MIER2: variants seen among roughly 807,000 people sequenced by gnomAD.
MIER2 encodes the protein mesoderm induction early response protein 2.
In MIER2, 30 loss-of-function variants were observed where a neutral mutation model predicts 67.6. That is an observed-to-expected ratio of 0.44 (90% confidence interval 0.33 to 0.60). The LOEUF is 0.60. MIER2 is among the 20% of genes least tolerant of loss of function. The pLI is 0.02. For synonymous variants in MIER2, 372 were observed against 312.6 expected, an observed-to-expected ratio of 1.19 and a Z score of -2.00; for missense variants, 702 against 745.1, an observed-to-expected ratio of 0.94 and a Z score of 0.67.
intron 7 of MIER2, among the ~76,000 whole-genome samples, chr19:314,434 A>T (rs1971146126): frequency 6.6e-6 from 1 of 152,236 alleles, no homozygotes; most frequent in African/African-American, 2.4e-5. Context: ...CCTCTCAATT[A>T]TCCAGGAAAG....
At chr19:317,563 T>TAAAC (rs1361780050) in intron 7 of MIER2, among the ~76,000 whole-genome samples, 2 of 145,534 alleles carry the variant, frequency 1.4e-5, no homozygotes, top group African/African-American at 5.1e-5. Flanking sequence ...AATAAATAAA[T>TAAAC]AAAATAAAAA....
At chr19:329,866 C>CAAA (rs36067469) in intron 3 of MIER2, among the ~76,000 whole-genome samples, 40 of 94,714 alleles carry the variant, frequency 4.2e-4, no homozygotes, top group African/African-American at 9.6e-4. Flanking sequence ...TACTCCGTCT[C>CAAA]AAAAAAAAAA....
intron 7 of MIER2, among the ~76,000 whole-genome samples, chr19:315,536 C>G (rs1022928109): frequency 6.6e-6 from 1 of 152,212 alleles, no homozygotes; most frequent in Non-Finnish European, 1.5e-5. Flanking sequence ...AAAAGAATCT[C>G]AAGGACCTTC....
At chr19:316,237 G>C (rs1479211959) in intron 7 of MIER2, among the ~76,000 whole-genome samples, 2 of 151,708 alleles carry the variant, frequency 1.3e-5, no homozygotes, top group Admixed American at 1.3e-4. Flanking sequence ...ATGTGGATAG[G>C]ATAAATACAA....
At chr19:328,876 T>C (rs1364962422) in intron 3 of MIER2, among the ~76,000 whole-genome samples, 1 of 152,244 alleles carries the variant, frequency 6.6e-6, no homozygotes, top group Non-Finnish European at 1.5e-5. Flanking sequence ...ACAAGAGCAC[T>C]GTGATTAACG....
At position 317,285 on chromosome 19, in the gene MIER2, T is replaced by C. The variant is rs898843805; in HGVS notation, c.656-3642A>G. 2.6e-5 allele frequency among the ~76,000 whole-genome samples: 4 copies of C among 151,910 alleles called. No homozygotes were observed. The South Asian group carries it at 8.3e-4, about 32-fold the overall frequency. ...GCGGGCACCTGTAATCCCAGCACTT[T>C]GGGAGGCTGAGGCGGGCGGATCACG... On this transcript the variant is annotated intron_variant, in intron 7 of 13. Transcript: ENST00000264819.
intron 4 of MIER2, among the ~76,000 whole-genome samples, chr19:327,514 G>T (rs1406979307): frequency 6.6e-6 from 1 of 152,248 alleles, no homozygotes; most frequent in African/African-American, 2.4e-5. Context: ...CTCTTTCTCT[G>T]ACTGTGCATT....
intron 7 of MIER2, among the ~76,000 whole-genome samples, chr19:319,196 T>C (rs539077218): frequency 1.5e-4 from 22 of 149,656 alleles, no homozygotes; most frequent in African/African-American, 5.2e-4. Flanking sequence ...ACCCCATCTC[T>C]ACTAACAATA....
chr19:307,550 C>T lies in MIER2; in HGVS notation c.1199-14G>A, dbSNP rs780239474. ...CGCTCAGTGGATCTGTGAAAGAGAA[C>T]GCAACAGAGGGTGGGGCCTGCCCAC... is the stretch of plus-strand genomic sequence containing the variant. On this transcript the variant is annotated splice_polypyrimidine_tract_variant and intron_variant, in intron 12 of 13. Transcript: ENST00000264819. 7.4e-5 allele frequency: 110 copies of T among 1,494,534 alleles called. No homozygotes were observed. Among genetic ancestry groups the T allele is most frequent in the African/African-American group, 4.5e-4 (32 of 71,596 alleles). The allele number at this position is 1,494,534 out of a possible 1,614,324, so 92.6% of individuals were successfully genotyped here.
At chr19:332,144 T>G (rs1972057545) in intron 3 of MIER2, among the ~76,000 whole-genome samples, 1 of 152,144 alleles carries the variant, frequency 6.6e-6, no homozygotes, top group African/African-American at 2.4e-5. Flanking sequence ...TTCAGCCTCC[T>G]GAGTAGCTAG....
chr19:342,482 G>C (rs1046234360), intron 1 of MIER2, among the ~76,000 whole-genome samples: 1 of 151,768 alleles, frequency 6.6e-6, no homozygotes, highest in African/African-American at 2.4e-5. Flanking sequence ...GCAGATCCGT[G>C]GGGACCACCT....
chr19:324,340 G>A (rs1000054651), intron 7 of MIER2, among the ~76,000 whole-genome samples: 11 of 136,088 alleles, frequency 8.1e-5, no homozygotes, highest in Admixed American at 2.3e-4. Context: ...TGACACAGAC[G>A]TCATCACAAT....
intron 2 of MIER2, 37 bp from the exon 3 acceptor site, chr19:334,579 C>A: frequency 6.2e-7 from 1 of 1,602,680 alleles, no homozygotes; most frequent in Non-Finnish European, 8.5e-7. Flanking sequence ...AGCACCGTGC[C>A]TCGCCTGTCC....
rs1259044873 is a variant in MIER2 at position 328,002 on chromosome 19, A to T, written c.244-13T>A. ...GCATGTCGTTGCTCTGAGTTGGGGA[A>T]GGGAACAAGGCCCCATCAGGAGGGA... On this transcript the variant is annotated splice_polypyrimidine_tract_variant and intron_variant, in intron 3 of 13. Coordinates refer to ENST00000264819, the MANE Select transcript of MIER2 (RefSeq NM_017550.3). 6.2e-7 allele frequency: 1 copy of T among 1,612,756 alleles called. No individual in the cohort carries two copies. The highest frequency in any genetic ancestry group is 1.7e-5 in the Admixed American group (1 of 59,856).
Position 308,813 on chromosome 19 carries a change from G to T in MIER2, c.1097C>A (p.Pro366Gln). The T allele has an allele frequency of 6.2e-7, 1 of 1,605,760 alleles. No individual in the cohort carries two copies. The highest frequency in any genetic ancestry group is 8.5e-7 in the Non-Finnish European group (1 of 1,173,836). ...QTRLGRRKYV[P>Q]SGTTDADQDL... ...GGGCTGCACGCACGTGGTTCCGGACGGGACGTACTTCCTCCGGCCCAGCCG... is the reference window on the plus strand; with the variant it reads ...GGGCTGCACGCACGTGGTTCCGGACTGGACGTACTTCCTCCGGCCCAGCCG... The change falls in exon 11 of 14, where the codon CCG becomes CAG. Residue 366 changes from proline (P) to glutamine (Q), a missense_variant. By Grantham distance (76) the Pro-to-Gln change is moderately conservative. Around this residue, in one of 3 missense-constraint regions of MIER2, gnomAD observed 254 missense variants for 262.8 expected, o/e 0.97. Transcript: ENST00000264819. The surrounding 1 kb of genome is among the most constrained non-coding windows in gnomAD (Gnocchi z 9.1).
chr19:306,984 T>C (rs1182873089), intron 13 of MIER2, 135 bp downstream of exon 13: 3 of 1,104,160 alleles, frequency 2.7e-6, no homozygotes, highest in African/African-American at 3.2e-5. Flanking sequence ...AAAGACACAC[T>C]GAGAGCCTGC....
chr19:344,315 C>A (rs1258285864), intron 1 of MIER2: 1 of 984,804 alleles, frequency 1.0e-6, no homozygotes, highest in Non-Finnish European at 1.2e-6. Flanking sequence ...CCACCGGGAT[C>A]CCGATGGGGA....
chr19:344,182 C>T (rs1972632539), intron 1 of MIER2: 2 of 985,326 alleles, frequency 2.0e-6, no homozygotes, highest in Non-Finnish European at 2.4e-6. Context: ...CTCTAGGCCC[C>T]GGCAGACCCA....
At chr19:335,303 G>A (rs942360262) in intron 2 of MIER2, among the ~76,000 whole-genome samples, 1 of 152,218 alleles carries the variant, frequency 6.6e-6, no homozygotes, top group African/African-American at 2.4e-5. Flanking sequence ...CTGTAGGGCT[G>A]GGCACACAGG....
Sources: allele counts gnomAD v4.1 joint callset (sites outside exome capture counted in the v4.1 genomes callset), GRCh38; gene constraint gnomAD v4.1.1; regional missense constraint gnomAD v4.1.1; non-coding constraint Gnocchi (gnomAD v3.1); transcripts MANE v1.5; gene names NCBI Gene and HGNC (gene_info 2026-07-23, HGNC 2026-07-21).